The following MID1 variants were observed in gnomAD, a reference collection of about 807,000 sequenced individuals.
MID1 encodes E3 ubiquitin-protein ligase Midline-1.
A neutral mutation model predicts 40.4 loss-of-function variants in MID1; 7 were observed. The ratio of observed to expected loss-of-function variants is 0.17; its 90% CI spans 0.10 to 0.33. The LOEUF (loss-of-function observed/expected upper bound fraction) is 0.33. MID1 is among the 10% of genes least tolerant of loss of function. The probability of loss-of-function intolerance (pLI) is 1.00; values close to 1 mark genes in which losing one functional copy is unlikely to be tolerated. For synonymous variants in MID1, 229 were observed against 221.2 expected, an observed-to-expected ratio of 1.04 and a Z score of -0.31; for missense variants, 367 against 558.5, an observed-to-expected ratio of 0.66 and a Z score of 3.46.
At chrX:10,469,606 C>T (rs1929583002) in intron 7 of MID1, 91 bp downstream of exon 7, 2 of 1,210,370 alleles carry the variant, frequency 1.7e-6, no homozygotes, top group Non-Finnish European at 2.2e-6. Flanking sequence ...TTCTTTCCTT[C>T]CTTGTCTTCC....
chrX:10,625,541 A>T (rs1394487164), upstream of MID1, among the ~76,000 whole-genome samples: 4 of 112,325 alleles, frequency 3.6e-5, no homozygotes, highest in Non-Finnish European at 7.5e-5. Context: ...TAATAATTTT[A>T]AAATCTCCAT....
chrX:10,778,307 T>C (rs777119554), intron 1 of MID1, among the ~76,000 whole-genome samples: 4 of 110,720 alleles, frequency 3.6e-5, no homozygotes, highest in Non-Finnish European at 7.5e-5. Flanking sequence ...TATAATCTTA[T>C]GGGACCACCA....
chrX:10,445,958 GT>G lies in MID1; in HGVS notation c.*3409del, dbSNP rs1407514248. The G allele has an allele frequency of 9.0e-6, 1 of 111,470 alleles. No individual in the cohort carries two copies. The highest frequency in any genetic ancestry group is 3.3e-5 in the African/African-American group (1 of 30,628). The allele number at this position is 111,470 out of a possible 1,213,427, so 9.2% of individuals were successfully genotyped here. Reference sequence around the variant, plus strand: ...GCATTAAAAGAAAACCAACGATCAAGTTTCTACACTGCAGCACTGTTGATAT... The same window carrying G: ...GCATTAAAAGAAAACCAACGATCAAGTTCTACACTGCAGCACTGTTGATAT... On this transcript the variant is annotated 3_prime_UTR_variant, in exon 10 of 10. Transcript: ENST00000317552.
chrX:10,831,624 ATACCATAAACAATATTAT>A (rs969995586), intron 1 of MID1, among the ~76,000 whole-genome samples: 116 of 111,960 alleles, frequency 1.0e-3, no homozygotes, highest in African/African-American at 3.6e-3. Flanking sequence ...AAAGTGTTAA[ATACCATAAACAATATTAT>A]TACCCCCAAA....
intron 3 of MID1, among the ~76,000 whole-genome samples, chrX:10,502,475 G>A (rs774618231): frequency 8.9e-6 from 1 of 111,777 alleles, no homozygotes; most frequent in African/African-American, 3.2e-5. Context: ...GAAGAGGGTT[G>A]CTGCACTGCA....
chrX:10,817,518 T>TTCTTTCTTTC (rs2044143978), intron 1 of MID1, among the ~76,000 whole-genome samples: 1 of 36,778 alleles, frequency 2.7e-5, no homozygotes, highest in African/African-American at 1.1e-4. Context: ...TTTTTTCTCT[T>TTCTTTCTTTC]TCTTTCTTTC....
At position 10,801,959 on chromosome X, in the gene MID1, A is replaced by C. The variant is rs190717387; in HGVS notation, c.-187+31595T>G. ...GCACTTTGGGAGGCTGAGGTGTTTC[A>C]GATCACAAGGTCAGGAGATTGAGAC... On this transcript the variant is annotated intron_variant, in intron 1 of 10. Coordinates refer to the MID1 transcript ENST00000380785. Among the ~76,000 whole-genome samples the C allele has an allele frequency of 3.6e-5, 4 of 111,311 alleles. No individual in the cohort carries two copies. The East Asian group carries it at 1.1e-3, about 31-fold the overall frequency.
At chrX:10,660,889 A>C (rs1381889640) in intron 1 of MID1, among the ~76,000 whole-genome samples, 1 of 112,327 alleles carries the variant, frequency 8.9e-6, no homozygotes, top group African/African-American at 3.2e-5. Flanking sequence ...TAATGATCTA[A>C]GTGTTGTTTG....
At chrX:10,662,752 G>A (rs781386484) in intron 1 of MID1, among the ~76,000 whole-genome samples, 1 of 111,613 alleles carries the variant, frequency 9.0e-6, no homozygotes, top group East Asian at 2.8e-4. Flanking sequence ...AATTCTACGA[G>A]CTTGCTAGAG....
intron 1 of MID1, among the ~76,000 whole-genome samples, chrX:10,633,543 C>T (rs1225889275): frequency 9.9e-5 from 11 of 110,655 alleles, no homozygotes; most frequent in Non-Finnish European, 1.9e-4. Context: ...AATCAACCTC[C>T]CAGGCCCAAG....
chrX:10,451,447 G>A (rs1370273420), intron 9 of MID1, among the ~76,000 whole-genome samples: 1 of 111,764 alleles, frequency 8.9e-6, no homozygotes, highest in Non-Finnish European at 1.9e-5. Flanking sequence ...ATGAACTAGA[G>A]CAGCAGACTC....
At chrX:10,687,392 C>A (rs1313216288) in intron 1 of MID1, among the ~76,000 whole-genome samples, 1 of 112,166 alleles carries the variant, frequency 8.9e-6, no homozygotes, top group East Asian at 2.8e-4. Context: ...TCTCAAACAA[C>A]TGTATCGGCT....
At chrX:10,504,679 A>C (rs763968959) in intron 3 of MID1, among the ~76,000 whole-genome samples, 1 of 111,288 alleles carries the variant, frequency 9.0e-6, no homozygotes, top group Admixed American at 9.6e-5. Context: ...GGTTCCTTGA[A>C]GGCTGCCTCC....
intron 1 of MID1, among the ~76,000 whole-genome samples, chrX:10,711,004 G>C (rs2043263888): frequency 9.0e-6 from 1 of 111,347 alleles, no homozygotes; most frequent in Non-Finnish European, 1.9e-5. Context: ...TCATTAAATG[G>C]CTCTTCATCT....
chrX:10,454,431 C>G (rs1292700566), intron 9 of MID1, among the ~76,000 whole-genome samples: 1 of 111,923 alleles, frequency 8.9e-6, no homozygotes, highest in Non-Finnish European at 1.9e-5. Flanking sequence ...ATGATTCTCT[C>G]TTAACTACTC....
chrX:10,661,518 T>C (rs1438008749), intron 1 of MID1, among the ~76,000 whole-genome samples: 3 of 109,998 alleles, frequency 2.7e-5, no homozygotes, highest in Non-Finnish European at 5.7e-5. Context: ...TTCCACCGTG[T>C]TAGCCAGGAT....
chrX:10,462,488 C>T (rs921352209), intron 7 of MID1, among the ~76,000 whole-genome samples: 1 of 111,633 alleles, frequency 9.0e-6, no homozygotes, highest in African/African-American at 3.3e-5. Flanking sequence ...TATGAAACAC[C>T]CACACAACCA....
intron 1 of MID1, among the ~76,000 whole-genome samples, chrX:10,598,504 A>AGAT (rs1251571748): frequency 8.9e-6 from 1 of 112,103 alleles, no homozygotes; most frequent in East Asian, 2.8e-4. Context: ...TTAGAAAGGG[A>AGAT]GATGATGCAG....
chrX:10,763,910 T>C (rs1254551411), intron 1 of MID1, among the ~76,000 whole-genome samples: 1 of 112,492 alleles, frequency 8.9e-6, no homozygotes, highest in Admixed American at 9.3e-5. Flanking sequence ...GTTTCTCTGA[T>C]AGCCAGTGAT....
Sources: allele counts gnomAD v4.1 joint callset (sites outside exome capture counted in the v4.1 genomes callset), GRCh38; gene constraint gnomAD v4.1.1; transcripts MANE v1.5; gene names NCBI Gene and HGNC (gene_info 2026-07-23, HGNC 2026-07-21).